The following FAM114A1 variants were observed in gnomAD, a reference collection of about 807,000 sequenced individuals.
The protein encoded by FAM114A1 is protein NOXP20.
In FAM114A1, 62 loss-of-function variants were observed where a neutral mutation model predicts 64.3. The ratio of observed to expected loss-of-function variants is 0.96; its 90% CI spans 0.79 to 1.19. The LOEUF (loss-of-function observed/expected upper bound fraction) is 1.19, where lower values mean the gene tolerates loss of function less well. Among genes scored for constraint, FAM114A1 ranks in the 50% most tolerant of loss-of-function variants. The pLI, the probability that FAM114A1 is intolerant of heterozygous loss-of-function variation, is 0.00. For missense variants in FAM114A1, 645 were observed against 676.3 expected (o/e 0.95, Z 0.51); for synonymous variants, 254 against 251.1 (o/e 1.01, Z -0.11).
intron 9 of FAM114A1, among the ~76,000 whole-genome samples, chr4:38,923,703 C>T (rs1052006402): frequency 6.6e-6 from 1 of 152,184 alleles, no homozygotes; most frequent in African/African-American, 2.4e-5. Context: ...TCAGTTCTGA[C>T]AAAGTCTGTA....
chr4:38,943,086 G>A (rs1019028334), intron 14 of FAM114A1, among the ~76,000 whole-genome samples: 1 of 151,590 alleles, frequency 6.6e-6, no homozygotes, highest in Non-Finnish European at 1.5e-5. Flanking sequence ...CCAGCTACTC[G>A]AGAGGCTGAA....
chr4:38,915,500 T>A (rs1241035294), intron 8 of FAM114A1, among the ~76,000 whole-genome samples: 1 of 152,158 alleles, frequency 6.6e-6, no homozygotes, highest in Non-Finnish European at 1.5e-5. Context: ...ATATATTTTG[T>A]CTTATGGGTT....
chr4:38,922,521 T>C (rs930636784), intron 8 of FAM114A1, among the ~76,000 whole-genome samples: 1 of 152,238 alleles, frequency 6.6e-6, no homozygotes, highest in Non-Finnish European at 1.5e-5. Context: ...TTGTGCAAAG[T>C]ATTTCACATT....
chr4:38,928,979 T>C (rs1720389876), intron 9 of FAM114A1: 3 of 456,334 alleles, frequency 6.6e-6, no homozygotes, highest in Non-Finnish European at 1.2e-5. Flanking sequence ...CCCTGACCTC[T>C]TGTTGCCTTT....
At position 38,927,690 on chromosome 4, in the gene FAM114A1, GT is replaced by G. The variant is rs1720251629; in HGVS notation, c.1070-1548del. Among the ~76,000 whole-genome samples the G allele has an allele frequency of 2.0e-5, 3 of 152,130 alleles. No homozygotes were observed. In the Middle Eastern group the frequency reaches 0.01, roughly 517 times the overall value. ...TTACTTATCTGTTTTGTTTTATTTT[GT>G]TTTGTTTTTTGAGACAGAGTCTTGC... On this transcript the variant is annotated intron_variant, in intron 9 of 14. Transcript: ENST00000358869.
In FAM114A1 at chr4:38,926,430, C is replaced by G. The variant is rs116433663; in HGVS notation, c.1070-2812C>G. 3.8e-3 allele frequency among the ~76,000 whole-genome samples: 579 copies of G among 152,096 alleles called. 3 individuals carry two copies. Among genetic ancestry groups the G allele is most frequent in the African/African-American group, 0.014 (563 of 41,478 alleles). ...AGCTTCTGATGGAATCAATCTAGCT[C>G]TCTAGCTCTGTCTCTCTCTCTCTCC... On this transcript the variant is annotated intron_variant, in intron 9 of 14. Transcript: ENST00000358869.
rs546925409 is a variant in FAM114A1 at position 38,895,505 on chromosome 4, C to T, written c.436+3675C>T. 9.9e-5 allele frequency among the ~76,000 whole-genome samples: 15 copies of T among 152,284 alleles called. No homozygotes were observed. In the South Asian group the frequency reaches 2.9e-3, roughly 29 times the overall value. On this transcript the variant is annotated intron_variant, in intron 4 of 14. Coordinates refer to ENST00000358869, the MANE Select transcript of FAM114A1 (RefSeq NM_138389.4). ...ACCTTAATTACATGTGAAAATTCTC[C>T]CCATCATTGCTGGATAGAGTAACCT...
chr4:38,943,411 G>A, intron 14 of FAM114A1, 45 bp from the exon 15 acceptor site: 1 of 1,514,864 alleles, frequency 6.6e-7, no homozygotes, highest in Non-Finnish European at 9.2e-7. Flanking sequence ...TGTCAAGGTT[G>A]AACTATGAAA....
chr4:38,936,254 G>T (rs974998511), intron 13 of FAM114A1, among the ~76,000 whole-genome samples: 1 of 150,974 alleles, frequency 6.6e-6, no homozygotes, highest in Non-Finnish European at 1.5e-5. Flanking sequence ...CACCACACCC[G>T]GCTAATTTTT....
rs536924014 is a variant in FAM114A1 at position 38,904,330 on chromosome 4, G to A, written c.437-1192G>A. Among the ~76,000 whole-genome samples the A allele has an allele frequency of 3.3e-5, 5 of 152,282 alleles. 1 individual carries two copies. The South Asian group carries it at 1.0e-3, about 32-fold the overall frequency. On this transcript the variant is annotated intron_variant, in intron 4 of 14. Coordinates refer to ENST00000358869, the MANE Select transcript of FAM114A1 (RefSeq NM_138389.4). ...CAACTCAGAAAAGCTATAGCTCATC[G>A]TGAAGGCCTCAAAGGGAGGAAAATC...
chr4:38,881,111 G>T (rs958849977), intron 3 of FAM114A1, among the ~76,000 whole-genome samples: 1 of 151,976 alleles, frequency 6.6e-6, no homozygotes, highest in African/African-American at 2.4e-5. Flanking sequence ...CTTGAACCTG[G>T]GAGGTGAAGG....
chr4:38,910,707 A>G (rs567302426), intron 7 of FAM114A1, among the ~76,000 whole-genome samples: 1 of 152,324 alleles, frequency 6.6e-6, no homozygotes, highest in South Asian at 2.1e-4. Context: ...TTGGCCATGC[A>G]GGAACCTGAG....
chr4:38,930,953 C>T (rs1054060866), intron 10 of FAM114A1, among the ~76,000 whole-genome samples: 3 of 152,152 alleles, frequency 2.0e-5, no homozygotes, highest in Admixed American at 6.5e-5. Context: ...AATCAAGAAA[C>T]GCAGAGCCCT....
At chr4:38,881,101 CTT>C (rs1216773862) in intron 3 of FAM114A1, among the ~76,000 whole-genome samples, 2 of 151,658 alleles carry the variant, frequency 1.3e-5, no homozygotes, top group African/African-American at 4.9e-5. Flanking sequence ...AGGAGAATCT[CTT>C]GAACCTGGGA....
chr4:38,882,971 A>C (rs1252859347), intron 3 of FAM114A1, among the ~76,000 whole-genome samples: 1 of 151,130 alleles, frequency 6.6e-6, no homozygotes, highest in Non-Finnish European at 1.5e-5. Context: ...CGGATAAACT[A>C]TCTCTATCTT....
intron 8 of FAM114A1, among the ~76,000 whole-genome samples, chr4:38,918,876 G>A (rs559484079): frequency 6.6e-6 from 1 of 152,276 alleles, no homozygotes; most frequent in South Asian, 2.1e-4. Context: ...AGCTGGCTGG[G>A]CACAGTGGCT....
intron 7 of FAM114A1, among the ~76,000 whole-genome samples, chr4:38,911,045 C>T (rs1224839657): frequency 2.6e-5 from 4 of 152,152 alleles, no homozygotes; most frequent in Non-Finnish European, 5.9e-5. Flanking sequence ...GGCAGGGAGA[C>T]TGGTTAGAGT....
chr4:38,922,890 C>T lies in FAM114A1; in HGVS notation c.1066C>T (p.Gln356Ter), dbSNP rs765085435. The change falls in exon 9 of 15, where the codon CAA (glutamine) becomes TAA (stop). Residue 356 changes from glutamine to a stop codon, truncating the protein, a stop_gained. Coordinates refer to ENST00000358869, the MANE Select transcript of FAM114A1 (RefSeq NM_138389.4). LOFTEE classifies it high-confidence loss of function. ...ELENEENQEE[Q>*]GLEEKGEEFA... ...AGAGAATGAAGAAAATCAAGAAGAA[C>T]AAGGTAAAGGAAAATAACTTAAATA... 1.2e-6 allele frequency: 2 copies of T among 1,607,374 alleles called. No homozygotes were observed. Among genetic ancestry groups the T allele is most frequent in the South Asian group, 2.2e-5 (2 of 89,372 alleles).
At chr4:38,926,153 C>T (rs1431485960) in intron 9 of FAM114A1, among the ~76,000 whole-genome samples, 2 of 152,200 alleles carry the variant, frequency 1.3e-5, no homozygotes, top group African/African-American at 4.8e-5. Context: ...TCAGAGGAGG[C>T]AGTGGAAGCT....
Sources: gnomAD v4.1 joint callset for allele counts (sites outside exome capture counted in the v4.1 genomes callset) on GRCh38, gnomAD v4.1.1 for gene constraint, MANE v1.5 for transcripts, NCBI Gene and HGNC (gene_info 2026-07-23, HGNC 2026-07-21) for gene names.